Variants in ESPNL observed in about 807,000 individuals in gnomAD.
ESPNL encodes espin like, also known as espin-like protein.
ESPNL carries 49 observed loss-of-function variants against 46.8 expected under a neutral mutation model. That is an observed-to-expected ratio of 1.05 (90% CI 0.83 to 1.33). The LOEUF (loss-of-function observed/expected upper bound fraction) is 1.33. Among genes scored for constraint, ESPNL ranks in the 40% most tolerant of loss-of-function variants. The pLI, the probability that ESPNL is intolerant of heterozygous loss-of-function variation, is 0.00. For synonymous variants in ESPNL, 664 were observed against 662.1 expected, an observed-to-expected ratio of 1.00 and a Z score of -0.04; for missense variants, 1,540 against 1,436.6, an observed-to-expected ratio of 1.07 and a Z score of -1.16.
At position 238,116,996 on chromosome 2, in the gene ESPNL, C is replaced by T. The variant is rs756645807; in HGVS notation, c.949C>T (p.Arg317Trp). The part of the protein sequence containing the change: ...AADLAEYHGH[R>W]DCAQYLREVA... ...AGACCTGGCGGAGTACCATGGACACCGGGACTGCGCCCAGTACCTGCGGGA... is the reference window on the plus strand; with the variant it reads ...AGACCTGGCGGAGTACCATGGACACTGGGACTGCGCCCAGTACCTGCGGGA... Residue 317 changes from arginine (R) to tryptophan (W), a missense_variant, in exon 5 of 9, where the codon CGG becomes TGG. Physicochemically the swap from Arg to Trp is moderately radical, Grantham distance 101. Coordinates refer to ENST00000343063, the MANE Select transcript of ESPNL (RefSeq NM_194312.4). 16 of 1,612,262 alleles carry T rather than the reference C, an allele frequency of 9.9e-6. No individual in the cohort carries two copies. Among genetic ancestry groups the T allele is most frequent in the East Asian group, 8.9e-5 (4 of 44,874 alleles).
At chr2:238,125,425 C>A in intron 6 of ESPNL, 41 bp downstream of exon 6, 1 of 1,262,736 alleles carries the variant, frequency 7.9e-7, no homozygotes, top group Non-Finnish European at 1.1e-6. Flanking sequence ...GGGCATGGGC[C>A]TGGGAGAGGG....
chr2:238,102,165 C>T, intron 2 of ESPNL, 34 bp downstream of exon 2: 7 of 1,495,016 alleles, frequency 4.7e-6, no homozygotes, highest in Non-Finnish European at 6.3e-6. Flanking sequence ...GGGGGGGCAG[C>T]CTGGGGCGAG....
chr2:238,104,061 G>A (rs1417043852), intron 2 of ESPNL, among the ~76,000 whole-genome samples: 4 of 152,216 alleles, frequency 2.6e-5, no homozygotes, highest in Non-Finnish European at 5.9e-5. Flanking sequence ...GGGAGCAGGT[G>A]TGGGGGTGCT....
chr2:238,124,129 C>G (rs1245473446), intron 5 of ESPNL, among the ~76,000 whole-genome samples: 3 of 152,224 alleles, frequency 2.0e-5, no homozygotes, highest in Non-Finnish European at 4.4e-5. Flanking sequence ...GGGTCCCTCC[C>G]CCTCCCACGA....
At chr2:238,117,577 C>G (rs1315669881) in intron 5 of ESPNL, among the ~76,000 whole-genome samples, 1 of 152,248 alleles carries the variant, frequency 6.6e-6, no homozygotes. Flanking sequence ...CCTGCAGCAG[C>G]CGGAAGGCAG....
intron 4 of ESPNL, among the ~76,000 whole-genome samples, chr2:238,108,963 A>T (rs569902532): frequency 1.3e-5 from 2 of 152,178 alleles, no homozygotes; most frequent in South Asian, 4.2e-4. Context: ...TGCTGAAAGC[A>T]TCTTTCTCTG....
Position 238,130,391 on chromosome 2 carries a change from C to G in ESPNL, c.1677C>G (p.Pro559=), listed in dbSNP as rs759863838. The G allele has an allele frequency of 6.2e-7, 1 of 1,610,692 alleles. No homozygotes were observed. The highest frequency in any genetic ancestry group is 1.1e-5 in the South Asian group (1 of 90,692). The change falls in exon 9 of 9, where the codon CCC becomes CCG. Residue 559 remains proline, a synonymous_variant. Transcript: ENST00000343063. The part of the protein sequence containing the change: ...TVNSHFLPRA[P]GLEVEEASIP... ...ACAGCCACTTCCTGCCCCGGGCGCC[C>G]GGACTGGAGGTTGAGGAGGCCTCAA...
intron 6 of ESPNL, chr2:238,127,376 C>T (rs1275307227): frequency 6.2e-6 from 8 of 1,284,448 alleles, no homozygotes; most frequent in African/African-American, 4.6e-5. Context: ...CAGGAGGGGC[C>T]GCGGCGTGGC....
At chr2:238,125,767 T>TTGGAATGGAGTGGAG (rs1553573703) in intron 6 of ESPNL, among the ~76,000 whole-genome samples, 10 of 146,276 alleles carry the variant, frequency 6.8e-5, no homozygotes, top group Non-Finnish European at 1.2e-4. Context: ...TGTGACCAGC[T>TTGGAATGGAGTGGAG]TGGAGTGGAG....
At chr2:238,103,666 G>A (rs947166640) in intron 2 of ESPNL, among the ~76,000 whole-genome samples, 3 of 152,168 alleles carry the variant, frequency 2.0e-5, no homozygotes, top group African/African-American at 7.2e-5. Flanking sequence ...TCCAACCCTG[G>A]ATGCAGTCAA....
In ESPNL at chr2:238,130,114, C is replaced by T; in HGVS notation, c.1414-14C>T. 6.3e-7 allele frequency: 1 copy of T among 1,599,878 alleles called. No homozygotes were observed. Reference sequence around the variant, plus strand: ...GTGGGCTCACCCTGCTCACCCTGCCCTTCCTGTGCCCAGGACAATGGTGGG... The same window carrying T: ...GTGGGCTCACCCTGCTCACCCTGCCTTTCCTGTGCCCAGGACAATGGTGGG... On this transcript the variant is annotated splice_polypyrimidine_tract_variant and intron_variant, in intron 8 of 8. Transcript: ENST00000343063.
chr2:238,127,544 A>G, intron 6 of ESPNL, 78 bp from the exon 7 acceptor site: 1 of 1,487,846 alleles, frequency 6.7e-7, no homozygotes, highest in Non-Finnish European at 9.0e-7. Flanking sequence ...CTCTGCCCCC[A>G]GGGCCGGATC....
In ESPNL at chr2:238,107,844, C is replaced by T. The variant is rs1487096900; in HGVS notation, c.726C>T (p.Ala242=). 1 of 1,608,956 alleles carries T rather than the reference C, an allele frequency of 6.2e-7. No individual in the cohort carries two copies. Among genetic ancestry groups the T allele is most frequent in the East Asian group, 2.2e-5 (1 of 44,680 alleles). Residue 242 remains alanine (A), a synonymous_variant, in exon 4 of 9, where the codon GCC becomes GCT. Transcript: ENST00000343063. Reference sequence around the variant, plus strand: ...CACGGGACAATGAGGGGGCCACGGCCCTGCACTTTGCAGCCCGAGGCGGCC... The same window carrying T: ...CACGGGACAATGAGGGGGCCACGGCTCTGCACTTTGCAGCCCGAGGCGGCC... The part of the protein sequence containing the change: ...LTARDNEGAT[A]LHFAARGGHT...
At chr2:238,103,183 G>A (rs918616431) in intron 2 of ESPNL, among the ~76,000 whole-genome samples, 1 of 152,220 alleles carries the variant, frequency 6.6e-6, no homozygotes, top group African/African-American at 2.4e-5. Flanking sequence ...AGCATCTTGG[G>A]AGGCTGGGGC....
intron 2 of ESPNL, among the ~76,000 whole-genome samples, chr2:238,103,883 G>C (rs1387195705): frequency 6.6e-6 from 1 of 152,178 alleles, no homozygotes; most frequent in African/African-American, 2.4e-5. Flanking sequence ...GAGGCTGCTA[G>C]GGGGCTGGTA....
chr2:238,129,135 C>T lies in ESPNL; in HGVS notation c.1413+231C>T, dbSNP rs183944450. 8 of 1,401,236 alleles carry T rather than the reference C, an allele frequency of 5.7e-6. No homozygotes were observed. The East Asian group carries it at 2.1e-4, about 37-fold the overall frequency. The allele number at this position is 1,401,236 out of a possible 1,614,324, so 86.8% of individuals were successfully genotyped here. ...GGCATGGGTCCCACGTATCCTTCCA[C>T]TTGGCGGATTTGTGGCACATGCCTG... On this transcript the variant is annotated intron_variant, in intron 8 of 8. Coordinates refer to ENST00000343063, the MANE Select transcript of ESPNL (RefSeq NM_194312.4).
intron 3 of ESPNL, among the ~76,000 whole-genome samples, chr2:238,106,754 C>A (rs1175834375): frequency 6.6e-6 from 1 of 151,794 alleles, no homozygotes; most frequent in Non-Finnish European, 1.5e-5. Flanking sequence ...GTCCACTGAA[C>A]CCCTAGGACT....
At chr2:238,126,921 C>CTGTGTGTCTGTGATTTTGTCTG (rs1692142460) in intron 6 of ESPNL, among the ~76,000 whole-genome samples, 1 of 146,640 alleles carries the variant, frequency 6.8e-6, no homozygotes, top group Non-Finnish European at 1.5e-5. Context: ...ATGATCGTGT[C>CTGTGTGTCTGTGATTTTGTCTG]TGTGTGTCTG....
In ESPNL at chr2:238,107,899, A is replaced by T; in HGVS notation, c.781A>T (p.Met261Leu). 1 of 1,612,946 alleles carries T rather than the reference A, an allele frequency of 6.2e-7. No homozygotes were observed. Among genetic ancestry groups the T allele is most frequent in the Non-Finnish European group, 8.5e-7 (1 of 1,179,828 alleles). Residue 261 changes from methionine (M) to leucine (L), a missense_variant, in exon 4 of 9, where the codon ATG becomes TTG. Transcript: ENST00000343063. The stretch of plus-strand genomic sequence containing the variant: ...GCCCATTCTAGACCGACTCCTGCTC[A>T]TGGGTACCCCCATCCTGAGAGACTC... Reference protein sequence around the residue: ...HTPILDRLLLMGTPILRDSWG... With the variant: ...HTPILDRLLLLGTPILRDSWG...
Sources: gnomAD v4.1 joint callset for allele counts (sites outside exome capture counted in the v4.1 genomes callset) on GRCh38, gnomAD v4.1.1 for gene constraint, MANE v1.5 for transcripts, NCBI Gene and HGNC (gene_info 2026-07-23, HGNC 2026-07-21) for gene names.